Variants in CACNA1C observed in about 807,000 individuals in gnomAD.
The protein encoded by CACNA1C is calcium voltage-gated channel subunit alpha1 C, also known as voltage-dependent L-type calcium channel subunit alpha-1C.
In CACNA1C, 30 loss-of-function variants were observed where a neutral mutation model predicts 229.0. The observed-to-expected ratio is 0.13, with a 90% CI of 0.10 to 0.18. The LOEUF is 0.18. Among genes scored for constraint, CACNA1C ranks in the 10% least tolerant of loss-of-function variants. The probability of loss-of-function intolerance (pLI) is 1.00; values close to 1 mark genes in which losing one functional copy is unlikely to be tolerated. For missense variants in CACNA1C, 1,658 were observed against 2,845.0 expected (o/e 0.58, Z 9.49); for synonymous variants, 1,114 against 1,132.5 (o/e 0.98, Z 0.33).
In CACNA1C at chr12:2,677,895, C is replaced by G; in HGVS notation, c.5091+28C>G. On this transcript the variant is annotated intron_variant, in intron 41 of 46. Coordinates refer to ENST00000399655, the MANE Select transcript of CACNA1C (RefSeq NM_000719.7). The surrounding 1 kb of genome is among the most constrained non-coding windows in gnomAD (Gnocchi z 7.4). ...GGGTGGTGCCATGGCGCACTCTCGA[C>G]CCCTATAAAGTTCAGTTTGGAGCAA... The G allele has an allele frequency of 6.2e-7, 1 of 1,612,682 alleles. No individual in the cohort carries two copies.
chr12:2,555,722 C>G (rs1458867956), intron 10 of CACNA1C, among the ~76,000 whole-genome samples: 1 of 152,222 alleles, frequency 6.6e-6, no homozygotes, highest in Admixed American at 6.5e-5. Context: ...GCAGTAAAGG[C>G]GCTTGGCTCA....
intron 4 of CACNA1C, among the ~76,000 whole-genome samples, chr12:2,456,912 G>A (rs577397489): frequency 5.9e-5 from 9 of 152,360 alleles, no homozygotes; most frequent in South Asian, 2.1e-4. Context: ...CCGGCACACC[G>A]CAGGTGTTCT....
chr12:2,217,127 C>T (rs1234554963), intron 3 of CACNA1C, among the ~76,000 whole-genome samples: 2 of 152,148 alleles, frequency 1.3e-5, no homozygotes, highest in Non-Finnish European at 2.9e-5. Flanking sequence ...ACCTTGAGAA[C>T]ATTATGCTAA....
intron 5 of CACNA1C, among the ~76,000 whole-genome samples, chr12:2,459,169 G>GTTTT (rs59909090): frequency 5.5e-5 from 6 of 109,432 alleles, no homozygotes; most frequent in Non-Finnish European, 7.5e-5. Context: ...TTTTGTGTGT[G>GTTTT]TTTTTTTTTT....
rs571700594 is a variant in CACNA1C at position 2,497,946 on chromosome 12, C to T, written c.1113+4560C>T. On this transcript the variant is annotated intron_variant, in intron 7 of 46. Transcript: ENST00000399655. ...CCATCCCACTATGTGTCTGGATGTGCGGAGAAGGTATTTCTATTAAATTCA... is the reference window on the plus strand; with the variant it reads ...CCATCCCACTATGTGTCTGGATGTGTGGAGAAGGTATTTCTATTAAATTCA... 1.2e-4 allele frequency among the ~76,000 whole-genome samples: 17 copies of T among 144,130 alleles called. No individual in the cohort carries two copies. In the East Asian group the frequency reaches 2.2e-3, roughly 19 times the overall value. The allele number at this position is 144,130 out of a possible 152,430, so 94.6% of individuals were successfully genotyped here.
At chr12:2,549,662 GT>G (rs1228150864) in intron 9 of CACNA1C, among the ~76,000 whole-genome samples, 2 of 152,188 alleles carry the variant, frequency 1.3e-5, no homozygotes, top group Admixed American at 1.3e-4. Flanking sequence ...TCAATGGTCA[GT>G]TTTTTCAGGA....
Position 2,410,269 on chromosome 12 carries a change from C to T in CACNA1C, c.478-38707C>T, listed in dbSNP as rs888810421. Among the ~76,000 whole-genome samples, 7 of 152,142 alleles carry T rather than the reference C, an allele frequency of 4.6e-5. No homozygotes were observed. Among genetic ancestry groups the T allele is most frequent in the Non-Finnish European group, 8.8e-5 (6 of 68,048 alleles). ...CCTCAACGAGCTCGTCGCCGGGCAC[C>T]GTTTTAGCAGCCCCACCACCCATTT... On this transcript the variant is annotated intron_variant, in intron 3 of 46. Coordinates refer to ENST00000399655, the MANE Select transcript of CACNA1C (RefSeq NM_000719.7). The surrounding 1 kb of genome is among the most constrained non-coding windows in gnomAD (Gnocchi z 5.3).
chr12:2,140,268 G>A (rs1202660690), intron 3 of CACNA1C, among the ~76,000 whole-genome samples: 1 of 151,478 alleles, frequency 6.6e-6, no homozygotes, highest in Non-Finnish European at 1.5e-5. Context: ...AGACCCTCCA[G>A]CAAGAGGATC....
At chr12:2,156,710 G>A (rs1262092583) in intron 3 of CACNA1C, among the ~76,000 whole-genome samples, 1 of 152,202 alleles carries the variant, frequency 6.6e-6, no homozygotes, top group Non-Finnish European at 1.5e-5. Context: ...AGACTCATGA[G>A]GGTCAGATGC....
intron 9 of CACNA1C, among the ~76,000 whole-genome samples, chr12:2,534,629 G>T (rs994225433): frequency 2.6e-5 from 4 of 151,332 alleles, no homozygotes; most frequent in African/African-American, 9.7e-5. Context: ...TCCAGGCTTT[G>T]CCTGGAAACT....
chr12:2,585,619 C>A lies in CACNA1C; in HGVS notation c.2460+123C>A. 2.4e-6 allele frequency: 3 copies of A among 1,224,946 alleles called. No individual in the cohort carries two copies. Among genetic ancestry groups the A allele is most frequent in the Non-Finnish European group, 3.4e-6 (3 of 888,820 alleles). 75.9% of individuals were successfully genotyped at this position (1,224,946 alleles called of 1,614,324 possible). On this transcript the variant is annotated intron_variant, in intron 17 of 46. Transcript: ENST00000399655. This position sits in a 1 kb window ranked among gnomAD's most constrained non-coding sequence, Gnocchi z 4.1. ...AGAAAGACACCCAGTGGAAAGAAAG[C>A]CAGTGGGGATGAACAGGAGAGCTGG...
chr12:2,343,886 A>C (rs1244988630), intron 3 of CACNA1C, among the ~76,000 whole-genome samples: 1 of 152,224 alleles, frequency 6.6e-6, no homozygotes, highest in Non-Finnish European at 1.5e-5. Flanking sequence ...GGGTCTGTTT[A>C]CTTTGACTGT....
intron 3 of CACNA1C, among the ~76,000 whole-genome samples, chr12:2,249,792 A>G (rs370082971): frequency 8.0e-6 from 1 of 124,652 alleles, no homozygotes; most frequent in South Asian, 2.5e-4. Flanking sequence ...TTTTTTTGAG[A>G]TGGAGTCTCA....
rs548414222 is a variant in CACNA1C at position 2,379,822 on chromosome 12, G to A, written c.478-69154G>A. Reference sequence around the variant, plus strand: ...CGAGGCGGGCGGATCACGAGGTCAGGAGATCGAGACCATCCCGGCTAAAAC... The same window carrying A: ...CGAGGCGGGCGGATCACGAGGTCAGAAGATCGAGACCATCCCGGCTAAAAC... On this transcript the variant is annotated intron_variant, in intron 3 of 46. Transcript: ENST00000399655. Among the ~76,000 whole-genome samples, 9 of 151,710 alleles carry A rather than the reference G, an allele frequency of 5.9e-5. No homozygotes were observed. In the South Asian group the frequency reaches 1.7e-3, roughly 28 times the overall value.
In CACNA1C at chr12:2,630,166, C is replaced by A. The variant is rs58827945; in HGVS notation, c.3829-4131C>A. ...AAACCCTTTCTCCAACCCCTTACTT[C>A]TCAACCATTTGGGACACAGTCACCA... On this transcript the variant is annotated intron_variant, in intron 29 of 46. Coordinates refer to ENST00000399655, the MANE Select transcript of CACNA1C (RefSeq NM_000719.7). This position sits in a 1 kb window ranked among gnomAD's most constrained non-coding sequence, Gnocchi z 5.4. Among the ~76,000 whole-genome samples, 805 of 152,352 alleles carry A rather than the reference C, an allele frequency of 5.3e-3. 6 individuals carry two copies. The highest frequency in any genetic ancestry group is 0.014 in the African/African-American group (586 of 41,578).
intron 3 of CACNA1C, among the ~76,000 whole-genome samples, chr12:2,409,312 C>T (rs1050430983): frequency 6.6e-6 from 1 of 152,214 alleles, no homozygotes; most frequent in African/African-American, 2.4e-5. Context: ...TGTTTAGCCT[C>T]AGACCCCTCA....
rs1346695305 is a variant in CACNA1C, at chr12:2,567,754, C to T, written c.1855C>T (p.Leu619Phe). 1 of 1,613,034 alleles carries T rather than the reference C, an allele frequency of 6.2e-7. No individual in the cohort carries two copies. ...CATGTCCCCACTGGGCATCTCCGTGCTCAGATGCGTCCGGCTGCTGAGGAT... is the reference window on the plus strand; with the variant it reads ...CATGTCCCCACTGGGCATCTCCGTGTTCAGATGCGTCCGGCTGCTGAGGAT... Reference protein sequence around the residue: ...KIMSPLGISVLRCVRLLRIFK... With the variant: ...KIMSPLGISVFRCVRLLRIFK... The change falls in exon 13 of 47, where the codon CTC becomes TTC. Residue 619 changes from leucine to phenylalanine, a missense_variant. Leu to Phe is a conservative substitution (Grantham distance 22). Coordinates refer to ENST00000399655, the MANE Select transcript of CACNA1C (RefSeq NM_000719.7).
At position 2,632,469 on chromosome 12, in the gene CACNA1C, T is replaced by C. The variant is rs2090940707; in HGVS notation, c.3829-1828T>C. On this transcript the variant is annotated intron_variant, in intron 29 of 46. Coordinates refer to ENST00000399655, the MANE Select transcript of CACNA1C (RefSeq NM_000719.7). The surrounding 1 kb of genome is among the most constrained non-coding windows in gnomAD (Gnocchi z 4.1). ...CTCATCCAGGACACCTGGGGTCCTA[T>C]AGGGCCTCTGGGACAGCCCATTCCT... is the stretch of plus-strand genomic sequence containing the variant. Among the ~76,000 whole-genome samples, 2 of 152,216 alleles carry C rather than the reference T, an allele frequency of 1.3e-5. No homozygotes were observed.
chr12:2,315,449 C>T (rs2154490371), intron 3 of CACNA1C, among the ~76,000 whole-genome samples: 2 of 152,302 alleles, frequency 1.3e-5, no homozygotes, highest in African/African-American at 4.8e-5. Flanking sequence ...TGTTTTTTCC[C>T]CTTCTAGTCG....
Sources: allele counts gnomAD v4.1 joint callset (sites outside exome capture counted in the v4.1 genomes callset), GRCh38; gene constraint gnomAD v4.1.1; non-coding constraint Gnocchi (gnomAD v3.1); transcripts MANE v1.5; gene names NCBI Gene and HGNC (gene_info 2026-07-23, HGNC 2026-07-21).